The following CXXC1 variants were observed in gnomAD, a reference collection of about 807,000 sequenced individuals.
CXXC1 encodes the protein CXXC-type zinc finger protein 1.
In CXXC1, 21 loss-of-function variants were observed where a neutral mutation model predicts 83.6. The ratio of observed to expected loss-of-function variants is 0.25; its 90% CI spans 0.18 to 0.36. CXXC1 has a LOEUF of 0.36. Ranked by LOEUF, CXXC1 falls within the 10% of genes least tolerant of loss-of-function variation. CXXC1 has a pLI of 1.00. For missense variants in CXXC1, 688 were observed against 919.5 expected (o/e 0.75, Z 3.26); for synonymous variants, 371 against 337.5 (o/e 1.10, Z -1.09).
At chr18:50,287,072 A>G (rs541863429) in intron 1 of CXXC1, 166 of 568,916 alleles carry the variant, frequency 2.9e-4, no homozygotes, top group Middle Eastern at 4.7e-4. Flanking sequence ...TCACGCACCC[A>G]CCGACACCCG....
intron 1 of CXXC1, 196 bp downstream of exon 1, chr18:50,287,391 C>T (rs767802286): frequency 3.0e-6 from 2 of 655,920 alleles, no homozygotes; most frequent in Non-Finnish European, 5.3e-6. Context: ...CCCCACTAAA[C>T]TTCTATTAAG....
At position 50,284,292 on chromosome 18, in the gene CXXC1, T is replaced by C; in HGVS notation, c.1205+86A>G. 4 of 1,519,004 alleles carry C rather than the reference T, an allele frequency of 2.6e-6. No homozygotes were observed. The South Asian group carries it at 5.1e-5, about 19-fold the overall frequency. The allele number at this position is 1,519,004 out of a possible 1,614,324, so 94.1% of individuals were successfully genotyped here. A position where few individuals can be genotyped will look rare whatever the true frequency, so the allele number is the denominator to read the frequency against. On this transcript the variant is annotated intron_variant, in intron 9 of 14. Coordinates refer to ENST00000285106, the MANE Select transcript of CXXC1 (RefSeq NM_014593.4). ...GGCTGTTTGGTGACTGGTGGATAGC[T>C]GATTGACTGGTAGACATACAGAAGG...
chr18:50,284,094 A>C lies in CXXC1; in HGVS notation c.1213T>G (p.Tyr405Asp). Residue 405 changes from tyrosine (Y) to aspartate (D), a missense_variant, in exon 10 of 15, where the codon TAC becomes GAC. Tyr to Asp is a radical substitution (Grantham distance 160, BLOSUM62 -3). Transcript: ENST00000285106. ...TGGATGCGCTGGGGGAGGATCTCGT[A>C]GATGCGGCTGCAGGGAAGGTAGCAA... ...CGMKLAANRI[Y>D]EILPQRIQQW... is the part of the protein sequence containing the mutation. The C allele has an allele frequency of 6.2e-7, 1 of 1,604,550 alleles. No homozygotes were observed. The highest frequency in any genetic ancestry group is 8.5e-7 in the Non-Finnish European group (1 of 1,177,136).
intron 11 of CXXC1, 44 bp downstream of exon 11, chr18:50,283,661 C>G: frequency 6.2e-7 from 1 of 1,610,232 alleles, no homozygotes; most frequent in Non-Finnish European, 8.5e-7. Context: ...CACTGGCCCA[C>G]TGATGTTCCC....
At position 50,283,933 on chromosome 18, in the gene CXXC1, AATG is replaced by A; in HGVS notation, c.1371_1373del (p.Ile458del). 1 of 1,614,104 alleles carries A rather than the reference AATG, an allele frequency of 6.2e-7. No homozygotes were observed. The highest frequency in any genetic ancestry group is 8.5e-7 in the Non-Finnish European group (1 of 1,180,038). On this transcript the variant is annotated inframe_deletion, in exon 10 of 15. Coordinates refer to ENST00000285106, the MANE Select transcript of CXXC1 (RefSeq NM_014593.4). ...GCACAGCCTGCTGCTTGGCACGTAGAATGATGGCCTCAAGCTCATGGAATCGGC... is the reference window on the plus strand; with the variant it reads ...GCACAGCCTGCTGCTTGGCACGTAGAATGGCCTCAAGCTCATGGAATCGGC...
rs1245598592 is a variant in CXXC1, at chr18:50,287,572, G to A, written c.3+15C>T. 4 of 1,612,096 alleles carry A rather than the reference G, an allele frequency of 2.5e-6. No individual in the cohort carries two copies. The South Asian group carries it at 4.4e-5, about 18-fold the overall frequency. ...GACCTCCACCGCCGAACCCCTCCCT[G>A]GACCCGCTACTTACCATATCTCCGC... On this transcript the variant is annotated intron_variant, in intron 1 of 14. Transcript: ENST00000285106.
chr18:50,284,001 C>G lies in CXXC1; in HGVS notation c.1306G>C (p.Glu436Gln). 3 of 1,613,314 alleles carry G rather than the reference C, an allele frequency of 1.9e-6. No homozygotes were observed. The highest frequency in any genetic ancestry group is 2.5e-6 in the Non-Finnish European group (3 of 1,179,914). ...GKKLLERIRR[E>Q]QQSARTRLQE... ...AGGCGAGTGCGGGCACTCTGCTGCTCTCGGCGAATGCGTTCGAGCAGCTTC... is the reference window on the plus strand; with the variant it reads ...AGGCGAGTGCGGGCACTCTGCTGCTGTCGGCGAATGCGTTCGAGCAGCTTC... Residue 436 changes from glutamate to glutamine, a missense_variant, in exon 10 of 15, where the codon GAG becomes CAG. This residue lies in a region of CXXC1 where 100 missense variants were observed against 142.5 expected (regional missense o/e 0.70). Transcript: ENST00000285106.
At chr18:50,283,171 T>G (rs1472085414) in intron 13 of CXXC1, 94 bp downstream of exon 13, 54 of 1,329,932 alleles carry the variant, frequency 4.1e-5, no homozygotes, top group Non-Finnish European at 5.5e-5. Context: ...GAGGAAAAAG[T>G]GAAGGAAAAG....
chr18:50,284,464 G>A lies in CXXC1; in HGVS notation c.1119C>T (p.Pro373=). 1 of 1,608,546 alleles carries A rather than the reference G, an allele frequency of 6.2e-7. No individual in the cohort carries two copies. ...GCACACAGCCGGGCCCCAGGCACTG[G>A]GGCAGTGACGCAGGGTCCTTGGCAT... ...RADAKDPASL[P]QCLGPGCVRP... is the part of the protein sequence containing the mutation. Residue 373 remains proline (P), a synonymous_variant, in exon 9 of 15, where the codon CCC becomes CCT. Coordinates refer to ENST00000285106, the MANE Select transcript of CXXC1 (RefSeq NM_014593.4).
chr18:50,287,098 CT>C (rs1284711640), intron 1 of CXXC1: 6 of 569,840 alleles, frequency 1.1e-5, no homozygotes, highest in Non-Finnish European at 1.9e-5. Flanking sequence ...TGCGTCCACA[CT>C]CGCTAATGGG....
Position 50,285,560 on chromosome 18 carries a change from G to A in CXXC1, c.639+189C>T. On this transcript the variant is annotated intron_variant, in intron 5 of 14. Transcript: ENST00000285106. The surrounding 1 kb of genome is among the most constrained non-coding windows in gnomAD (Gnocchi z 4.4). ...CCCACTCTGTCTACCCAGGGTTGGT[G>A]GGGGTGTTCTGCCAGCCCAGCATAC... 1.0e-6 allele frequency: 1 copy of A among 957,976 alleles called. No individual in the cohort carries two copies. The highest frequency in any genetic ancestry group is 1.5e-6 in the Non-Finnish European group (1 of 651,352). The allele number at this position is 957,976 out of a possible 1,614,324, so 59.3% of individuals were successfully genotyped here. A position where few individuals can be genotyped will look rare whatever the true frequency, so the allele number is the denominator to read the frequency against.
At chr18:50,283,067 C>A in intron 13 of CXXC1, 61 bp from the exon 14 acceptor site, 10 of 1,571,494 alleles carry the variant, frequency 6.4e-6, no homozygotes, top group Non-Finnish European at 8.7e-6. Flanking sequence ...GGAATGGGGG[C>A]TCAAGGAGGG....
Position 50,283,807 on chromosome 18 carries a change from C to T in CXXC1, c.1422G>A (p.Glu474=), listed in dbSNP as rs777797836. The change falls in exon 11 of 15, where the codon GAG becomes GAA. Residue 474 remains glutamate (E), a synonymous_variant. Coordinates refer to ENST00000285106, the MANE Select transcript of CXXC1 (RefSeq NM_014593.4). Reference sequence around the variant, plus strand: ...GCAGGTCTGTGTCATCACTGTCACCCTCGTTGCTCTGCATGGAATGGAAGG... The same window carrying T: ...GCAGGTCTGTGTCATCACTGTCACCTTCGTTGCTCTGCATGGAATGGAAGG... The part of the protein sequence containing the change: ...QAVREDEESN[E]GDSDDTDLQI... 2.5e-5 allele frequency: 40 copies of T among 1,614,214 alleles called. No homozygotes were observed. In the East Asian group the frequency reaches 8.9e-4, roughly 36 times the overall value.
chr18:50,287,653 C>T lies in CXXC1; in HGVS notation c.-64G>A, dbSNP rs1038011874. 1 of 1,598,672 alleles carries T rather than the reference C, an allele frequency of 6.3e-7. No individual in the cohort carries two copies. The highest frequency in any genetic ancestry group is 8.5e-7 in the Non-Finnish European group (1 of 1,176,302). On this transcript the variant is annotated 5_prime_UTR_variant, in exon 1 of 15. In the 5' UTR this introduces an upstream ATG that the reference lacks. Coordinates refer to ENST00000285106, the MANE Select transcript of CXXC1 (RefSeq NM_014593.4). ...GCGACCCGCGAACCTGCACAGACCACTCGGCGGCGTCCCAGGCGGTTGCAA... is the reference window on the plus strand; with the variant it reads ...GCGACCCGCGAACCTGCACAGACCATTCGGCGGCGTCCCAGGCGGTTGCAA...
At position 50,283,261 on chromosome 18, in the gene CXXC1, T is replaced by G; in HGVS notation, c.1671+4A>C. ...AAATGGGAGGAGCTGAGGGAAAACCTTACTTTGGGGTCCCGTGAGTGCTCG... is the reference window on the plus strand; with the variant it reads ...AAATGGGAGGAGCTGAGGGAAAACCGTACTTTGGGGTCCCGTGAGTGCTCG... On this transcript the variant is annotated splice_donor_region_variant and intron_variant, in intron 13 of 14. Coordinates refer to ENST00000285106, the MANE Select transcript of CXXC1 (RefSeq NM_014593.4). 6.2e-7 allele frequency: 1 copy of G among 1,613,272 alleles called. No homozygotes were observed. Among genetic ancestry groups the G allele is most frequent in the East Asian group, 2.2e-5 (1 of 44,872 alleles).
At position 50,287,298 on chromosome 18, in the gene CXXC1, T is replaced by C. The variant is rs1280062694; in HGVS notation, c.3+289A>G. ...CTCGTCACGGCTCACTACAGACCAC[T>C]CAATGTGACTCCTTACAACCCGCTT... On this transcript the variant is annotated intron_variant, in intron 1 of 14. Coordinates refer to ENST00000285106, the MANE Select transcript of CXXC1 (RefSeq NM_014593.4). 6 of 532,388 alleles carry C rather than the reference T, an allele frequency of 1.1e-5. No homozygotes were observed. The East Asian group carries it at 1.9e-4, about 17-fold the overall frequency. The allele number at this position is 532,388 out of a possible 1,614,324, so 33.0% of individuals were successfully genotyped here. A position where few individuals can be genotyped will look rare whatever the true frequency, so the allele number is the denominator to read the frequency against.
intron 9 of CXXC1, 128 bp from the exon 10 acceptor site, chr18:50,284,229 G>A (rs907100933): frequency 1.4e-6 from 2 of 1,429,976 alleles, no homozygotes; most frequent in Non-Finnish European, 9.5e-7. Context: ...TGGACACACG[G>A]GCAGGTGGGT....
chr18:50,287,494 G>T, intron 1 of CXXC1, 93 bp downstream of exon 1: 2 of 1,463,060 alleles, frequency 1.4e-6, no homozygotes, highest in Non-Finnish European at 9.5e-7. Flanking sequence ...TCCGGTTATG[G>T]CTCACCACAG....
Position 50,282,814 on chromosome 18 carries a change from A to T in CXXC1, c.1824+40T>A. 1 of 1,612,294 alleles carries T rather than the reference A, an allele frequency of 6.2e-7. No homozygotes were observed. Among genetic ancestry groups the T allele is most frequent in the Non-Finnish European group, 8.5e-7 (1 of 1,178,478 alleles). ...CTGCCCCGGCCACGTCCGACATGGA[A>T]ACCTACCACATGCAGCACCAAAACC... On this transcript the variant is annotated intron_variant, in intron 14 of 14. Coordinates refer to ENST00000285106, the MANE Select transcript of CXXC1 (RefSeq NM_014593.4). This position sits in a 1 kb window ranked among gnomAD's most constrained non-coding sequence, Gnocchi z 5.8.
Sources: gnomAD v4.1 joint callset for allele counts on GRCh38, gnomAD v4.1.1 for gene constraint, gnomAD v4.1.1 regional missense constraint, Gnocchi (gnomAD v3.1) non-coding constraint, MANE v1.5 for transcripts, NCBI Gene and HGNC (gene_info 2026-07-23, HGNC 2026-07-21) for gene names.